RP1: variants seen among roughly 807,000 people sequenced by gnomAD.
RP1 encodes the protein oxygen-regulated protein 1.
RP1 carries 16 observed loss-of-function variants against 14.8 expected under a neutral mutation model. That is an observed-to-expected ratio of 1.08 (90% CI 0.73 to 1.65). RP1 has a LOEUF of 1.65. Among genes scored for constraint, RP1 ranks in the 40% most tolerant of loss-of-function variants. The pLI is 0.00. For synonymous variants in RP1, 876 were observed against 883.6 expected (o/e 0.99, Z 0.15); for missense variants, 2,631 against 2,535.0 (o/e 1.04, Z -0.81).
chr8:54,847,470 A>T (rs192094777), intron 25 of RP1, among the ~76,000 whole-genome samples: 73 of 152,354 alleles, frequency 4.8e-4, no homozygotes, highest in Middle Eastern at 3.4e-3. Flanking sequence ...TGGTGATAAT[A>T]ATGATCTTTT....
chr8:54,632,991 G>A (rs1238624789), downstream of RP1, among the ~76,000 whole-genome samples: 2 of 151,990 alleles, frequency 1.3e-5, no homozygotes, highest in Non-Finnish European at 2.9e-5. Context: ...ATTGTGTTTT[G>A]CCCACCAGAT....
At chr8:54,792,653 GA>G (rs1810493710) in intron 24 of RP1, among the ~76,000 whole-genome samples, 1 of 151,776 alleles carries the variant, frequency 6.6e-6, no homozygotes, top group Non-Finnish European at 1.5e-5. Flanking sequence ...AAACACAAAT[GA>G]AAATACAACA....
intron 13 of RP1, among the ~76,000 whole-genome samples, chr8:54,700,841 G>T (rs1426466289): frequency 6.6e-6 from 1 of 152,088 alleles, no homozygotes; most frequent in East Asian, 1.9e-4. Flanking sequence ...ACTGAGATGT[G>T]CTCATCCAGT....
At chr8:54,583,119 T>C (rs1261760645) in intron 1 of RP1, among the ~76,000 whole-genome samples, 1 of 152,230 alleles carries the variant, frequency 6.6e-6, no homozygotes, top group Non-Finnish European at 1.5e-5. Flanking sequence ...CCATTCAGTA[T>C]GATATTGGCT....
At position 54,629,863 on chromosome 8, in the gene RP1, T is replaced by G. The variant is rs1295812426; in HGVS notation, c.5981T>G (p.Phe1994Cys). The G allele has an allele frequency of 6.2e-7, 1 of 1,613,786 alleles. No individual in the cohort carries two copies. Among genetic ancestry groups the G allele is most frequent in the African/African-American group, 1.3e-5 (1 of 74,922 alleles). The change falls in exon 4 of 4, where the codon TTC becomes TGC. Residue 1994 changes from phenylalanine to cysteine, a missense_variant. Transcript: ENST00000220676. Reference protein sequence around the residue: ...AIGDIFDQFYFSNTFDLMGKR... With the variant: ...AIGDIFDQFYCSNTFDLMGKR... ...GGTGATATATTTGATCAGTTTTATT[T>G]CAGTAACACATTTGACTTGATGGGT...
At chr8:54,585,328 T>A (rs191831827) in intron 1 of RP1, among the ~76,000 whole-genome samples, 1 of 152,228 alleles carries the variant, frequency 6.6e-6, no homozygotes, top group South Asian at 2.1e-4. Flanking sequence ...ATTGGCCTCC[T>A]GTCTCTTCTG....
chr8:54,753,916 CA>C (rs1302917476), intron 19 of RP1, among the ~76,000 whole-genome samples: 1 of 152,064 alleles, frequency 6.6e-6, no homozygotes, highest in Admixed American at 6.5e-5. Context: ...GGCCAGGAAG[CA>C]GAGGAAATTG....
At chr8:54,734,581 T>A (rs1350797873) in exon 18 of RP1, 10 of 1,535,468 alleles carry the variant, frequency 6.5e-6, no homozygotes, top group Middle Eastern at 3.3e-4. Context: ...GAGACTCTTC[T>A]GTCAGAAGAT....
chr8:54,603,897 A>G (rs2129306176), intron 1 of RP1, among the ~76,000 whole-genome samples: 1 of 152,298 alleles, frequency 6.6e-6, no homozygotes, highest in African/African-American at 2.4e-5. Flanking sequence ...TTGTATCCTG[A>G]GACTTTGCTG....
intron 25 of RP1, among the ~76,000 whole-genome samples, chr8:54,848,461 A>G (rs372335046): frequency 1.1e-4 from 16 of 152,138 alleles, no homozygotes; most frequent in South Asian, 4.1e-4. Flanking sequence ...ATTGGGCCCA[A>G]TGATATAGCT....
At chr8:54,634,068 T>G (rs905821311), downstream of RP1, among the ~76,000 whole-genome samples, 2 of 152,184 alleles carry the variant, frequency 1.3e-5, no homozygotes, top group African/African-American at 4.8e-5. Context: ...TGACTTTCTA[T>G]TCCCTGTTTA....
At chr8:54,648,584 A>C (rs1238652353) in intron 3 of RP1, among the ~76,000 whole-genome samples, 3 of 152,194 alleles carry the variant, frequency 2.0e-5, no homozygotes, top group Non-Finnish European at 2.9e-5. Context: ...ATCTAAACTC[A>C]AAAAATATCC....
intron 25 of RP1, among the ~76,000 whole-genome samples, chr8:54,838,667 G>A (rs1044009665): frequency 5.3e-5 from 8 of 152,172 alleles, no homozygotes; most frequent in African/African-American, 1.9e-4. Flanking sequence ...ATACGTGTGT[G>A]TGCATATTCC....
intron 19 of RP1, among the ~76,000 whole-genome samples, chr8:54,740,712 ACT>A (rs926049854): frequency 6.6e-6 from 1 of 151,358 alleles, no homozygotes; most frequent in African/African-American, 2.4e-5. Flanking sequence ...ACAAAGCGAG[ACT>A]CTGTCTTAAA....
rs1257159115 is a variant in RP1, at chr8:54,629,136, C to A, written c.5254C>A (p.His1752Asn). ...DKGKWLLKEN[H>N]LLRMSSENPG... is the part of the protein sequence containing the mutation. Reference sequence around the variant, plus strand: ...AGGCAAATGGCTTCTGAAAGAAAATCATTTGCTAAGGATGTCATCTGAAAA... The same window carrying A: ...AGGCAAATGGCTTCTGAAAGAAAATAATTTGCTAAGGATGTCATCTGAAAA... Residue 1752 changes from histidine (H) to asparagine (N), a missense_variant, in exon 4 of 4, where the codon CAT becomes AAT. Physicochemically the swap from His to Asn is moderately conservative, Grantham distance 68 (BLOSUM62 1). Coordinates refer to ENST00000220676, the MANE Select transcript of RP1 (RefSeq NM_006269.2). The A allele has an allele frequency of 4.3e-6, 7 of 1,613,904 alleles. No individual in the cohort carries two copies. Among genetic ancestry groups the A allele is most frequent in the East Asian group, 2.2e-5 (1 of 44,884 alleles).
chr8:54,701,716 G>T (rs1273514835), intron 14 of RP1: 1 of 1,473,508 alleles, frequency 6.8e-7, no homozygotes, highest in Non-Finnish European at 9.1e-7. Flanking sequence ...ACTTTCTTTT[G>T]CCCTATTGAG....
chr8:54,676,038 G>T (rs958281757), intron 8 of RP1, among the ~76,000 whole-genome samples: 2 of 151,944 alleles, frequency 1.3e-5, no homozygotes, highest in Non-Finnish European at 2.9e-5. Context: ...TTTTATGAGG[G>T]CACTCATCCC....
intron 12 of RP1, among the ~76,000 whole-genome samples, chr8:54,681,686 C>T (rs1807436082): frequency 6.6e-6 from 1 of 152,048 alleles, no homozygotes; most frequent in Non-Finnish European, 1.5e-5. Flanking sequence ...TGCTCTCCCT[C>T]CCCTGGACCC....
At chr8:54,675,577 CG>C (rs1258929685) in intron 8 of RP1, among the ~76,000 whole-genome samples, 1 of 152,062 alleles carries the variant, frequency 6.6e-6, no homozygotes, top group Non-Finnish European at 1.5e-5. Flanking sequence ...AAGAAAATCT[CG>C]GTATATTTCC....
Sources: allele counts gnomAD v4.1 joint callset (sites outside exome capture counted in the v4.1 genomes callset), GRCh38; gene constraint gnomAD v4.1.1; transcripts MANE v1.5; gene names NCBI Gene and HGNC (gene_info 2026-07-23, HGNC 2026-07-21).